COL6A5: variants seen among roughly 807,000 people sequenced by gnomAD.
COL6A5 encodes the protein collagen type VI alpha 5 chain.
In COL6A5, 48 loss-of-function variants were observed where a neutral mutation model predicts 65.6. That is an observed-to-expected ratio of 0.73 (90% CI 0.58 to 0.93). The LOEUF is 0.93. COL6A5 is among the 40% of genes least tolerant of loss of function. COL6A5 has a pLI of 0.00. For missense variants in COL6A5, 914 were observed against 928.3 expected, an observed-to-expected ratio of 0.98 and a Z score of 0.20; for synonymous variants, 291 against 322.8, an observed-to-expected ratio of 0.90 and a Z score of 1.05.
At chr3:130,484,768 C>G (rs1710331297) in exon 8 of COL6A5, 1 of 398,728 alleles carries the variant, frequency 2.5e-6, no homozygotes, top group Non-Finnish European at 4.4e-6. Flanking sequence ...CACAGATACT[C>G]TATATGACCA....
chr3:130,369,184 C>T (rs1345048727), intron 1 of COL6A5, among the ~76,000 whole-genome samples: 4 of 152,116 alleles, frequency 2.6e-5, no homozygotes, highest in Non-Finnish European at 5.9e-5. Context: ...ATGACCTGAC[C>T]TTTATTTCTT....
At chr3:130,414,860 C>A (rs1370622056) in intron 22 of COL6A5, among the ~76,000 whole-genome samples, 3 of 152,096 alleles carry the variant, frequency 2.0e-5, no homozygotes, top group Non-Finnish European at 4.4e-5. Context: ...TAGGACCAAA[C>A]TGGAATTTGG....
chr3:130,456,434 T>A (rs1709573037), intron 5 of COL6A5, among the ~76,000 whole-genome samples: 1 of 151,940 alleles, frequency 6.6e-6, no homozygotes, highest in African/African-American at 2.4e-5. Context: ...TAAAAACATT[T>A]AAAAATAACC....
At chr3:130,416,874 G>A (rs1462775414) in intron 24 of COL6A5, 55 bp downstream of exon 24, 1 of 921,134 alleles carries the variant, frequency 1.1e-6, no homozygotes, top group Middle Eastern at 3.1e-4. Context: ...ATATTTAATG[G>A]ATAATTAATA....
exon 3 of COL6A5, chr3:130,440,405 A>T: frequency 6.2e-7 from 1 of 1,613,642 alleles, no homozygotes. Context: ...CAGGAGAAAG[A>T]TGGGTACAGT....
chr3:130,415,546 G>C, intron 22 of COL6A5, 99 bp from the exon 23 acceptor site: 1 of 1,106,760 alleles, frequency 9.0e-7, no homozygotes, highest in Non-Finnish European at 1.3e-6. Flanking sequence ...TGTGGGAAGG[G>C]CTGGACCATT....
intron 8 of COL6A5, among the ~76,000 whole-genome samples, chr3:130,395,955 A>G (rs1041807350): frequency 5.3e-5 from 8 of 152,204 alleles, no homozygotes; most frequent in Admixed American, 6.5e-5. Context: ...TTACATTCAT[A>G]TAATCATAGC....
exon 8 of COL6A5, chr3:130,484,253 A>G: frequency 5.5e-6 from 3 of 543,800 alleles, no homozygotes; most frequent in Non-Finnish European, 9.6e-6. Flanking sequence ...ATCAGTAAGA[A>G]GACCTGACAA....
intron 1 of COL6A5, among the ~76,000 whole-genome samples, chr3:130,353,723 G>A (rs1486463065): frequency 2.0e-5 from 3 of 149,874 alleles, no homozygotes; most frequent in Non-Finnish European, 3.0e-5. Context: ...TAAAATTTCT[G>A]AAAAAAAAAG....
chr3:130,367,638 T>C (rs1935391582), intron 1 of COL6A5, among the ~76,000 whole-genome samples: 1 of 152,218 alleles, frequency 6.6e-6, no homozygotes, highest in South Asian at 2.1e-4. Flanking sequence ...CACGGCTAAA[T>C]CCAAACTGCC....
chr3:130,450,990 G>C (rs1174728674), intron 4 of COL6A5, among the ~76,000 whole-genome samples: 2 of 152,116 alleles, frequency 1.3e-5, no homozygotes, highest in Admixed American at 6.5e-5. Context: ...CGCTGAGATG[G>C]GGTTAGAACA....
chr3:130,360,123 G>C (rs1432446416), intron 1 of COL6A5, among the ~76,000 whole-genome samples: 1 of 151,946 alleles, frequency 6.6e-6, no homozygotes, highest in African/African-American at 2.4e-5. Context: ...AAAAAAGGAA[G>C]TTTTATGGGA....
intron 4 of COL6A5, among the ~76,000 whole-genome samples, chr3:130,380,425 CTT>C (rs888380232): frequency 7.9e-5 from 12 of 152,060 alleles, no homozygotes; most frequent in African/African-American, 2.9e-4. Flanking sequence ...GTCCCTCTCT[CTT>C]TCTCTTCCTC....
intron 6 of COL6A5, among the ~76,000 whole-genome samples, chr3:130,470,556 T>TAAAAAAAAAAAAAAAAAA (rs1559920041): frequency 6.6e-6 from 1 of 151,970 alleles, no homozygotes; most frequent in African/African-American, 2.4e-5. Context: ...AAACATTTTT[T>TAAAAAAAAAAAAAAAAAA]AAAAAATAGT....
At chr3:130,467,259 G>A (rs776872847) in intron 5 of COL6A5, among the ~76,000 whole-genome samples, 7 of 151,904 alleles carry the variant, frequency 4.6e-5, no homozygotes, top group Non-Finnish European at 8.8e-5. Flanking sequence ...AAGGCTAATA[G>A]GGAGGGGGGA....
intron 6 of COL6A5, among the ~76,000 whole-genome samples, chr3:130,469,808 A>T (rs971031329): frequency 2.0e-5 from 3 of 152,060 alleles, no homozygotes; most frequent in South Asian, 2.1e-4. Context: ...GAAAGTATTC[A>T]TAACCCCATT....
At chr3:130,362,318 ATATATATATTTTTTTTT>A (rs1439042887) in intron 1 of COL6A5, among the ~76,000 whole-genome samples, 3 of 4,378 alleles carry the variant, frequency 6.9e-4, no homozygotes, top group Admixed American at 3.7e-3. Flanking sequence ...ATATATATAT[ATATATATATTTTTTTTT>A]TTTTTTTTTT....
intron 2 of COL6A5, 80 bp downstream of exon 2, chr3:130,373,785 A>G (rs985023622): frequency 2.3e-6 from 2 of 877,712 alleles, no homozygotes; most frequent in Admixed American, 2.6e-5. Flanking sequence ...GCAAGAAATA[A>G]TTTATTTACT....
intron 5 of COL6A5, among the ~76,000 whole-genome samples, chr3:130,464,443 TTA>T (rs1433904728): frequency 2.0e-5 from 3 of 152,178 alleles, no homozygotes; most frequent in African/African-American, 7.2e-5. Flanking sequence ...ATGCTTTTCT[TTA>T]TGTTTAACAA....
Sources: gnomAD v4.1 joint callset for allele counts (sites outside exome capture counted in the v4.1 genomes callset) on GRCh38, gnomAD v4.1.1 for gene constraint, MANE v1.5 for transcripts, NCBI Gene and HGNC (gene_info 2026-07-23, HGNC 2026-07-21) for gene names.